PPARG: variants seen among roughly 807,000 people sequenced by gnomAD.
The protein encoded by PPARG is peroxisome proliferator-activated receptor gamma.
In PPARG, 17 loss-of-function variants were observed where a neutral mutation model predicts 39.2. That is an observed-to-expected ratio of 0.43 (90% confidence interval 0.30 to 0.65). The LOEUF (loss-of-function observed/expected upper bound fraction) is 0.65, where lower values mean the gene tolerates loss of function less well. Ranked by LOEUF, PPARG falls within the 30% of genes least tolerant of loss-of-function variation. The pLI is 0.13. For missense variants in PPARG, 406 were observed against 585.9 expected (o/e 0.69, Z 3.17); for synonymous variants, 223 against 215.7 (o/e 1.03, Z -0.30).
chr3:12,406,202 C>A, intron 6 of PPARG, 121 bp downstream of exon 6: 1 of 1,025,214 alleles, frequency 9.8e-7, no homozygotes, highest in Non-Finnish European at 1.5e-6. Context: ...CAACTGTTGG[C>A]TGTTAACATA....
At chr3:12,288,413 A>G (rs997308624), upstream of PPARG, among the ~76,000 whole-genome samples, 44 of 151,710 alleles carry the variant, frequency 2.9e-4, no homozygotes, top group Admixed American at 4.6e-4. Flanking sequence ...CCCGGCTTCC[A>G]GGACAGCCCC....
chr3:12,398,943 G>A (rs2050366425), intron 5 of PPARG, among the ~76,000 whole-genome samples: 1 of 152,206 alleles, frequency 6.6e-6, no homozygotes, highest in African/African-American at 2.4e-5. Flanking sequence ...TTCAGTGGTG[G>A]AGGAAAGATA....
intron 7 of PPARG, among the ~76,000 whole-genome samples, chr3:12,427,211 A>ATTCCGTTTAGGCCCACTGTGATTCTGAGG (rs139007959): frequency 6.6e-6 from 1 of 151,704 alleles, no homozygotes. Context: ...ACTTTGCTGA[A>ATTCCGTTTAGGCCCACTGTGATTCTGAGG]TTGGATCAGA....
At chr3:12,414,702 GAAAA>G (rs915471331) in intron 6 of PPARG, among the ~76,000 whole-genome samples, 1 of 151,290 alleles carries the variant, frequency 6.6e-6, no homozygotes, top group South Asian at 2.1e-4. Flanking sequence ...ATCCTGAAAA[GAAAA>G]AAAGAAAAAG....
rs2049601021 is a variant in PPARG, at chr3:12,380,434, A to G, written c.220+503A>G. ...TTTGTTTTAACATTGTAGCCTATTG[A>G]TAAATTTTCATGCCATTAACTAAAT... is the stretch of plus-strand genomic sequence containing the variant. On this transcript the variant is annotated intron_variant, in intron 3 of 7. Coordinates refer to ENST00000651735, the MANE Select transcript of PPARG (RefSeq NM_138711.6). 3.3e-5 allele frequency among the ~76,000 whole-genome samples: 5 copies of G among 152,196 alleles called. No homozygotes were observed. In the South Asian group the frequency reaches 1.0e-3, roughly 32 times the overall value.
intron 1 of PPARG, among the ~76,000 whole-genome samples, chr3:12,289,522 C>T (rs762766864): frequency 3.9e-5 from 6 of 152,186 alleles, no homozygotes; most frequent in Non-Finnish European, 8.8e-5. Flanking sequence ...CTGTTTCTGT[C>T]ATTCGTGAGA....
intron 4 of PPARG, among the ~76,000 whole-genome samples, chr3:12,382,754 G>C (rs1348931091): frequency 6.6e-6 from 1 of 152,138 alleles, no homozygotes; most frequent in East Asian, 1.9e-4. Flanking sequence ...AGGATCACTT[G>C]AGCCCAGGGG....
chr3:12,418,575 AAT>A (rs2051156263), intron 7 of PPARG, among the ~76,000 whole-genome samples: 1 of 152,224 alleles, frequency 6.6e-6, no homozygotes, highest in Non-Finnish European at 1.5e-5. Context: ...ACATTTATTT[AAT>A]ACTTGCTGTG....
chr3:12,342,965 C>T (rs1173176525), intron 2 of PPARG, among the ~76,000 whole-genome samples: 1 of 152,162 alleles, frequency 6.6e-6, no homozygotes, highest in Non-Finnish European at 1.5e-5. Context: ...AAAGATTTAA[C>T]ATATGTAAAC....
At chr3:12,380,835 A>G (rs1485352599) in intron 3 of PPARG, among the ~76,000 whole-genome samples, 1 of 152,180 alleles carries the variant, frequency 6.6e-6, no homozygotes, top group Non-Finnish European at 1.5e-5. Flanking sequence ...ACCTGGGCTC[A>G]TATTTTTCAT....
At chr3:12,418,720 C>T (rs2051160655) in intron 7 of PPARG, among the ~76,000 whole-genome samples, 1 of 152,136 alleles carries the variant, frequency 6.6e-6, no homozygotes, top group Non-Finnish European at 1.5e-5. Flanking sequence ...GGTTACGTGG[C>T]TAGCAAAAGA....
chr3:12,421,400 C>T (rs189423028), intron 7 of PPARG, among the ~76,000 whole-genome samples: 1 of 152,230 alleles, frequency 6.6e-6, no homozygotes, highest in Non-Finnish European at 1.5e-5. Flanking sequence ...ATGTTTGCAA[C>T]TGGCGCCGCA....
intron 2 of PPARG, among the ~76,000 whole-genome samples, chr3:12,338,209 T>C (rs909844524): frequency 8.5e-5 from 13 of 152,210 alleles, no homozygotes; most frequent in Non-Finnish European, 1.5e-4. Context: ...GTCTTGTTTA[T>C]AAAATGATGA....
chr3:12,293,217 T>A (rs1464898349), intron 1 of PPARG, among the ~76,000 whole-genome samples: 2 of 152,196 alleles, frequency 1.3e-5, no homozygotes, highest in African/African-American at 2.4e-5. Context: ...TTTTAAACCC[T>A]CCAGTCAGGA....
chr3:12,425,767 G>T (rs779979350), intron 7 of PPARG, among the ~76,000 whole-genome samples: 1 of 152,154 alleles, frequency 6.6e-6, no homozygotes, highest in South Asian at 2.1e-4. Flanking sequence ...GGAGCAAACC[G>T]CATGGCTGGA....
At chr3:12,306,240 G>A (rs1322686084) in intron 1 of PPARG, among the ~76,000 whole-genome samples, 1 of 152,160 alleles carries the variant, frequency 6.6e-6, no homozygotes, top group Non-Finnish European at 1.5e-5. Flanking sequence ...GTTCACAATA[G>A]GGTTTGCACT....
At chr3:12,353,333 A>C (rs1489079446) in intron 2 of PPARG, among the ~76,000 whole-genome samples, 6 of 152,204 alleles carry the variant, frequency 3.9e-5, no homozygotes, top group Admixed American at 1.3e-4. Context: ...CTCTGTTAAA[A>C]ATGTGAGCTC....
intron 2 of PPARG, among the ~76,000 whole-genome samples, chr3:12,359,487 C>G (rs569903092): frequency 6.8e-4 from 104 of 152,204 alleles, no homozygotes; most frequent in Non-Finnish European, 1.2e-3. Context: ...AAAGACTACT[C>G]AGCTGATCCA....
At chr3:12,345,309 G>A (rs142461679) in intron 2 of PPARG, among the ~76,000 whole-genome samples, 347 of 152,240 alleles carry the variant, frequency 2.3e-3, no homozygotes, top group Admixed American at 6.0e-3. Context: ...TTTAATTACC[G>A]AGTCATAATT....
Sources: allele counts gnomAD v4.1 joint callset (sites outside exome capture counted in the v4.1 genomes callset), GRCh38; gene constraint gnomAD v4.1.1; transcripts MANE v1.5; gene names NCBI Gene and HGNC (gene_info 2026-07-23, HGNC 2026-07-21).